The following MMP28 variants were observed in gnomAD, a reference collection of about 807,000 sequenced individuals.
The protein encoded by MMP28 is matrix metallopeptidase 28.
MMP28 carries 55 observed loss-of-function variants against 60.5 expected under a neutral mutation model. The ratio of observed to expected loss-of-function variants is 0.91; its 90% CI spans 0.73 to 1.14. The LOEUF is 1.14. Among genes scored for constraint, MMP28 ranks in the 50% most tolerant of loss-of-function variants. MMP28 has a pLI of 0.00. For synonymous variants in MMP28, 318 were observed against 312.5 expected (o/e 1.02, Z -0.18); for missense variants, 686 against 738.3 (o/e 0.93, Z 0.82).
At chr17:35,760,677 G>A (rs918188582) in intron 2 of MMP28, among the ~76,000 whole-genome samples, 1 of 152,192 alleles carries the variant, frequency 6.6e-6, no homozygotes, top group Non-Finnish European at 1.5e-5. Flanking sequence ...TTTGAACCCA[G>A]TTTATTGCGG....
chr17:35,766,169 T>TA lies in MMP28; in HGVS notation c.*330_*331insT. Reference sequence around the variant, plus strand: ...TTTCATCCCCCTGCTTGGATCCCAGTGCTGTTACCTCTTGAAAGGAACTGT... The same window carrying TA: ...TTTCATCCCCCTGCTTGGATCCCAGTAGCTGTTACCTCTTGAAAGGAACTGT... On this transcript the variant is annotated 3_prime_UTR_variant, in exon 8 of 8. Coordinates refer to ENST00000605424, the MANE Select transcript of MMP28 (RefSeq NM_024302.5). This position sits in a 1 kb window ranked among gnomAD's most constrained non-coding sequence, Gnocchi z 4.3. 1.8e-6 allele frequency: 2 copies of TA among 1,093,886 alleles called. No homozygotes were observed. The highest frequency in any genetic ancestry group is 1.6e-5 in the African/African-American group (1 of 61,330). 67.8% of individuals were successfully genotyped at this position (1,093,886 alleles called of 1,614,324 possible). A position where few individuals can be genotyped will look rare whatever the true frequency, so the allele number is the denominator to read the frequency against.
intron 3 of MMP28, 80 bp downstream of exon 3, chr17:35,778,808 C>G: frequency 1.2e-6 from 2 of 1,612,418 alleles, no homozygotes; most frequent in Non-Finnish European, 1.7e-6. Context: ...AAAGTCCAGT[C>G]CCAGGCTCAG....
At chr17:35,787,258 T>C (rs1555610710) in intron 1 of MMP28, among the ~76,000 whole-genome samples, 1 of 152,152 alleles carries the variant, frequency 6.6e-6, no homozygotes, top group Non-Finnish European at 1.5e-5. Flanking sequence ...ACAGGTCGTC[T>C]AACAGGCCAG....
At chr17:35,764,716 T>A (rs956720181), downstream of MMP28, 7 of 1,325,344 alleles carry the variant, frequency 5.3e-6, no homozygotes, top group South Asian at 1.5e-5. Flanking sequence ...TTCGACGCAT[T>A]CCGCAGGACC....
intron 4 of MMP28, among the ~76,000 whole-genome samples, chr17:35,772,900 T>C (rs116299860): frequency 4.1e-4 from 63 of 152,294 alleles, no homozygotes; most frequent in African/African-American, 1.4e-3. Flanking sequence ...GGATGGATGA[T>C]GGAACCTCGG....
Position 35,779,226 on chromosome 17 carries a change from C to A in MMP28, c.191+18G>T. On this transcript the variant is annotated intron_variant, in intron 2 of 7. Transcript: ENST00000605424. ...CCTAGCACCCCTACCCCAAGTCCTC[C>A]ACATCCCTCCACCCTACCTGATGGC... 1 of 1,603,804 alleles carries A rather than the reference C, an allele frequency of 6.2e-7. No homozygotes were observed. Among genetic ancestry groups the A allele is most frequent in the Admixed American group, 1.7e-5 (1 of 58,282 alleles).
chr17:35,765,986 C>T lies in MMP28; in HGVS notation c.*514G>A, dbSNP rs2085926554. 10 of 985,446 alleles carry T rather than the reference C, an allele frequency of 1.0e-5. No individual in the cohort carries two copies. Among genetic ancestry groups the T allele is most frequent in the South Asian group, 4.7e-5 (1 of 21,290 alleles). 61.0% of individuals were successfully genotyped at this position (985,446 alleles called of 1,614,324 possible). On this transcript the variant is annotated 3_prime_UTR_variant, in exon 8 of 8. Transcript: ENST00000605424. ...TCTGTGTCCTGACCCCACAAAGGGC[C>T]TCTGAGGTTGGAGACGCCTGTGCCT...
intron 7 of MMP28, among the ~76,000 whole-genome samples, chr17:35,767,540 C>G (rs1046699929): frequency 1.3e-5 from 2 of 152,212 alleles, no homozygotes; most frequent in African/African-American, 4.8e-5. Flanking sequence ...CTCTGAAACT[C>G]TCCCTGGGAC....
At chr17:35,768,474 A>G in intron 5 of MMP28, 95 bp from the exon 6 acceptor site, 2 of 1,041,986 alleles carry the variant, frequency 1.9e-6, no homozygotes, top group Non-Finnish European at 2.7e-6. Context: ...TTTCATGATT[A>G]TCTAATATGA....
intron 7 of MMP28, 169 bp from the exon 8 acceptor site, chr17:35,767,063 G>T (rs184159334): frequency 2.7e-6 from 2 of 741,360 alleles, no homozygotes; most frequent in Non-Finnish European, 4.8e-6. Flanking sequence ...ATAGCAGGGT[G>T]GTAGTAGCAA....
chr17:35,769,613 G>A (rs1233712194), intron 5 of MMP28, among the ~76,000 whole-genome samples: 1 of 152,132 alleles, frequency 6.6e-6, no homozygotes, highest in Non-Finnish European at 1.5e-5. Context: ...TTGGGGATAG[G>A]GGGCATCAGC....
At chr17:35,775,307 C>T (rs781257357) in intron 3 of MMP28, among the ~76,000 whole-genome samples, 5 of 152,184 alleles carry the variant, frequency 3.3e-5, no homozygotes, top group African/African-American at 4.8e-5. Context: ...TGTCTCCCTC[C>T]AGATTTGCTC....
chr17:35,764,300 G>A, downstream of MMP28: 1 of 1,509,660 alleles, frequency 6.6e-7, no homozygotes, highest in Non-Finnish European at 8.8e-7. Context: ...AGCGCTGCTG[G>A]GCGGCCTAAC....
chr17:35,785,885 A>G, intron 1 of MMP28, among the ~76,000 whole-genome samples: 1 of 152,218 alleles, frequency 6.6e-6, no homozygotes, highest in East Asian at 1.9e-4. Flanking sequence ...AAATGGGAGA[A>G]AGAATACTGT....
rs760538429 is a variant in MMP28, at chr17:35,766,519, G to C, written c.1544C>G (p.Ser515Trp). The C allele has an allele frequency of 2.5e-6, 4 of 1,596,272 alleles. No individual in the cohort carries two copies. Among genetic ancestry groups the C allele is most frequent in the Non-Finnish European group, 2.6e-6 (3 of 1,170,656 alleles). Reference protein sequence around the residue: ...LPWMGCWHANSGSALF With the variant: ...LPWMGCWHANWGSALF Reference sequence around the variant, plus strand: ...GTGCCTTCAGAACAGGGCGCTCCCCGAGTTGGCATGCCAGCAGCCCATCCA... The same window carrying C: ...GTGCCTTCAGAACAGGGCGCTCCCCCAGTTGGCATGCCAGCAGCCCATCCA... Residue 515 changes from serine (S) to tryptophan (W), a missense_variant, in exon 8 of 8, where the codon TCG (serine) becomes TGG (tryptophan). Physicochemically the swap from Ser to Trp is radical, Grantham distance 177. Transcript: ENST00000605424. This position sits in a 1 kb window ranked among gnomAD's most constrained non-coding sequence, Gnocchi z 4.3.
intron 2 of MMP28, among the ~76,000 whole-genome samples, chr17:35,756,653 A>C (rs1399525597): frequency 6.6e-6 from 1 of 151,640 alleles, no homozygotes; most frequent in Non-Finnish European, 1.5e-5. Context: ...TTTTTAGTAG[A>C]GACAGGGTTT....
chr17:35,788,730 T>C (rs1007121038), intron 1 of MMP28, among the ~76,000 whole-genome samples: 2 of 152,098 alleles, frequency 1.3e-5, no homozygotes, highest in African/African-American at 4.8e-5. Flanking sequence ...ACTGGCACAC[T>C]GGGAGTAGCT....
chr17:35,775,238 G>A (rs1044902161), intron 3 of MMP28, among the ~76,000 whole-genome samples: 2 of 152,190 alleles, frequency 1.3e-5, no homozygotes, highest in African/African-American at 2.4e-5. Context: ...GGGTGTCGCT[G>A]GTGTGCCTGC....
At chr17:35,787,986 AC>A (rs1382043611) in intron 1 of MMP28, among the ~76,000 whole-genome samples, 1 of 146,790 alleles carries the variant, frequency 6.8e-6, no homozygotes, top group Non-Finnish European at 1.5e-5. Context: ...CTCACTACAA[AC>A]CTTGACTTCC....
Sources: allele counts gnomAD v4.1 joint callset (sites outside exome capture counted in the v4.1 genomes callset), GRCh38; gene constraint gnomAD v4.1.1; non-coding constraint Gnocchi (gnomAD v3.1); transcripts MANE v1.5; gene names NCBI Gene and HGNC (gene_info 2026-07-23, HGNC 2026-07-21).